Variants in LRRC4C observed in about 807,000 individuals in gnomAD.
LRRC4C encodes leucine rich repeat containing 4C.
LRRC4C carries 5 observed loss-of-function variants against 33.6 expected under a neutral mutation model. The ratio of observed to expected loss-of-function variants is 0.15; its 90% confidence interval spans 0.08 to 0.31. The LOEUF (loss-of-function observed/expected upper bound fraction) is 0.31. Ranked by LOEUF, LRRC4C falls within the 10% of genes least tolerant of loss-of-function variation. The pLI is 1.00. For synonymous variants in LRRC4C, 329 were observed against 302.0 expected (o/e 1.09, Z -0.93); for missense variants, 560 against 796.7 (o/e 0.70, Z 3.58).
intron 4 of LRRC4C, among the ~76,000 whole-genome samples, chr11:40,275,279 T>G (rs545902086): frequency 6.6e-4 from 101 of 152,064 alleles, no homozygotes; most frequent in African/African-American, 2.2e-3. Context: ...GGACCATTGC[T>G]GCATATTAGA....
At chr11:40,273,652 AG>A (rs1375035172) in intron 4 of LRRC4C, among the ~76,000 whole-genome samples, 3 of 152,128 alleles carry the variant, frequency 2.0e-5, no homozygotes, top group African/African-American at 7.2e-5. Context: ...TACTACTTTC[AG>A]GGTTTGAAAG....
chr11:40,697,604 G>C (rs1237587456), intron 2 of LRRC4C, among the ~76,000 whole-genome samples: 1 of 152,036 alleles, frequency 6.6e-6, no homozygotes, highest in African/African-American at 2.4e-5. Context: ...ACAACCTATG[G>C]ATCATACCTG....
At chr11:40,936,065 T>A (rs10837529) in intron 1 of LRRC4C, among the ~76,000 whole-genome samples, 8,482 of 74,888 alleles carry the variant, frequency 0.11, 845 homozygotes, top group Non-Finnish European at 0.15. Flanking sequence ...TATATATATA[T>A]AACATAGTTT....
intron 2 of LRRC4C, among the ~76,000 whole-genome samples, chr11:40,717,940 G>A (rs1011634043): frequency 6.6e-6 from 1 of 152,146 alleles, no homozygotes; most frequent in African/African-American, 2.4e-5. Flanking sequence ...TGCTATAACT[G>A]ATATGGAACA....
chr11:41,106,533 T>C (rs1941506126), intron 1 of LRRC4C, among the ~76,000 whole-genome samples: 1 of 152,078 alleles, frequency 6.6e-6, no homozygotes. Context: ...TCCAGGACTA[T>C]GTAATTCATA....
Position 40,547,313 on chromosome 11 carries a change from T to C in LRRC4C, c.-270+100829A>G, listed in dbSNP as rs115321413. ...TCATTTCTTTCTAAAATCATGGCAC[T>C]GAAAGGCTAAAGTACTAGAAGTGAT... On this transcript the variant is annotated intron_variant, in intron 3 of 6. Coordinates refer to ENST00000528697, the MANE Select transcript of LRRC4C (RefSeq NM_001258419.2). Among the ~76,000 whole-genome samples, 1,325 of 152,174 alleles carry C rather than the reference T, an allele frequency of 8.7e-3. 10 individuals are homozygous for C. Among genetic ancestry groups the C allele is most frequent in the African/African-American group, 0.03 (1,257 of 41,516 alleles).
chr11:40,318,179 G>A (rs7106830), intron 4 of LRRC4C, among the ~76,000 whole-genome samples: 144,559 of 152,130 alleles, frequency 0.95, 69,112 homozygotes, highest in Non-Finnish European at 1. Context: ...TTTGTTTTCA[G>A]TGATTAATTA....
chr11:40,937,820 GTTGTTTGT>G (rs368285628), intron 1 of LRRC4C, among the ~76,000 whole-genome samples: 4 of 151,950 alleles, frequency 2.6e-5, no homozygotes, highest in East Asian at 3.9e-4. Context: ...TGTTGTTGTT[GTTGTTTGT>G]TTGTTTGTTT....
At chr11:40,815,427 C>T (rs1441598223) in intron 2 of LRRC4C, among the ~76,000 whole-genome samples, 2 of 152,138 alleles carry the variant, frequency 1.3e-5, no homozygotes, top group Non-Finnish European at 2.9e-5. Flanking sequence ...CATATCAATA[C>T]CCTTCCCTCA....
At chr11:40,827,617 G>T (rs1475132315) in intron 2 of LRRC4C, among the ~76,000 whole-genome samples, 1 of 151,678 alleles carries the variant, frequency 6.6e-6, no homozygotes, top group Non-Finnish European at 1.5e-5. Flanking sequence ...GGCCCTTAGA[G>T]AAAAGTAATT....
intron 1 of LRRC4C, among the ~76,000 whole-genome samples, chr11:40,998,023 T>C (rs1307567963): frequency 6.6e-6 from 1 of 152,000 alleles, no homozygotes; most frequent in Non-Finnish European, 1.5e-5. Context: ...GCTGGGCATA[T>C]AGAATGTTGA....
chr11:40,787,323 C>CT (rs1950452853), intron 2 of LRRC4C, among the ~76,000 whole-genome samples: 1 of 152,152 alleles, frequency 6.6e-6, no homozygotes, highest in Admixed American at 6.5e-5. Flanking sequence ...ACTAGTCTCA[C>CT]TGTTGGGTGA....
chr11:40,356,807 G>A (rs1236678413), intron 3 of LRRC4C, among the ~76,000 whole-genome samples: 1 of 152,166 alleles, frequency 6.6e-6, no homozygotes, highest in Non-Finnish European at 1.5e-5. Flanking sequence ...GAGGCAGACA[G>A]TAATGAAAAC....
intron 2 of LRRC4C, among the ~76,000 whole-genome samples, chr11:40,840,961 C>T (rs1453152678): frequency 6.6e-6 from 1 of 152,108 alleles, no homozygotes; most frequent in Non-Finnish European, 1.5e-5. Flanking sequence ...AAAAAGTCTA[C>T]AAACAACTTT....
At chr11:40,129,084 G>A (rs1856466767) in intron 6 of LRRC4C, among the ~76,000 whole-genome samples, 1 of 152,066 alleles carries the variant, frequency 6.6e-6, no homozygotes, top group Admixed American at 6.6e-5. Flanking sequence ...TGGAGTGTTT[G>A]TTAAATGCAT....
chr11:40,302,437 T>G (rs1435756572), intron 4 of LRRC4C, among the ~76,000 whole-genome samples: 1 of 152,226 alleles, frequency 6.6e-6, no homozygotes, highest in East Asian at 1.9e-4. Flanking sequence ...CTGCTCATAC[T>G]GTCAATTGTG....
At chr11:41,130,537 C>T (rs1000988471) in intron 1 of LRRC4C, among the ~76,000 whole-genome samples, 1 of 151,932 alleles carries the variant, frequency 6.6e-6, no homozygotes, top group Non-Finnish European at 1.5e-5. Context: ...ATCATCCAGA[C>T]ATTTACTGTA....
At chr11:40,495,828 T>TTTG (rs1954416740) in intron 3 of LRRC4C, among the ~76,000 whole-genome samples, 1 of 45,682 alleles carries the variant, frequency 2.2e-5, no homozygotes, top group South Asian at 9.6e-4. Context: ...TTTTTTTTTT[T>TTTG]TTTTTTTTTT....
chr11:40,908,095 G>A (rs1348644396), intron 2 of LRRC4C, among the ~76,000 whole-genome samples: 2 of 152,056 alleles, frequency 1.3e-5, no homozygotes, highest in Non-Finnish European at 2.9e-5. Flanking sequence ...AGTCACTACA[G>A]TTGAATAAAT....
Sources: allele counts gnomAD v4.1 joint callset (sites outside exome capture counted in the v4.1 genomes callset), GRCh38; gene constraint gnomAD v4.1.1; transcripts MANE v1.5; gene names NCBI Gene and HGNC (gene_info 2026-07-23, HGNC 2026-07-21).